CSRP3: variants seen among roughly 807,000 people sequenced by gnomAD.
CSRP3 encodes cysteine and glycine rich protein 3.
A neutral mutation model predicts 24.3 loss-of-function variants in CSRP3; 24 were observed. That is an observed-to-expected ratio of 0.99 (90% CI 0.71 to 1.39). The LOEUF (loss-of-function observed/expected upper bound fraction) is 1.39, where lower values mean the gene tolerates loss of function less well. Ranked by LOEUF, CSRP3 falls within the 40% of genes most tolerant of loss-of-function variation. The pLI is 0.00. For missense variants in CSRP3, 240 were observed against 249.0 expected, an observed-to-expected ratio of 0.96 and a Z score of 0.24; for synonymous variants, 105 against 94.0, an observed-to-expected ratio of 1.12 and a Z score of -0.68.
chr11:19,182,402 G>T lies in CSRP3; in HGVS notation c.*268C>A. The T allele has an allele frequency of 4.0e-6, 2 of 496,676 alleles. No individual in the cohort carries two copies. The highest frequency in any genetic ancestry group is 2.7e-5 in the South Asian group (1 of 36,546). The allele number at this position is 496,676 out of a possible 1,614,324, so 30.8% of individuals were successfully genotyped here. On this transcript the variant is annotated 3_prime_UTR_variant, in exon 6 of 6. Transcript: ENST00000265968. ...TTCTATCTCAAAGAAAAGATCTAGA[G>T]CCATACAAGATAGCACTAAAACATT...
At chr11:19,185,761 T>C (rs1269604645) in intron 4 of CSRP3, among the ~76,000 whole-genome samples, 1 of 152,200 alleles carries the variant, frequency 6.6e-6, no homozygotes, top group Non-Finnish European at 1.5e-5. Context: ...CATGAGTGTC[T>C]CGGACATCTG....
intron 1 of CSRP3, among the ~76,000 whole-genome samples, chr11:19,198,953 G>T (rs1285006926): frequency 6.6e-6 from 1 of 152,188 alleles, no homozygotes; most frequent in Non-Finnish European, 1.5e-5. Context: ...GTAGTTACTT[G>T]CATCATGACT....
At chr11:19,191,571 A>T (rs752444971) in intron 2 of CSRP3, among the ~76,000 whole-genome samples, 5 of 152,202 alleles carry the variant, frequency 3.3e-5, no homozygotes, top group Non-Finnish European at 7.3e-5. Flanking sequence ...AGAGCACTGG[A>T]CATGGAGTCT....
chr11:19,192,484 G>A lies in CSRP3; in HGVS notation c.-28-8C>T, dbSNP rs933469401. On this transcript the variant is annotated splice_polypyrimidine_tract_variant and splice_region_variant and intron_variant, in intron 1 of 5. Coordinates refer to ENST00000265968, the MANE Select transcript of CSRP3 (RefSeq NM_003476.5). ...ATCTGGTCAAGGTCAAGTCTAAGGGGACATAAAGCAAATACCCTACATTGA... is the reference window on the plus strand; with the variant it reads ...ATCTGGTCAAGGTCAAGTCTAAGGGAACATAAAGCAAATACCCTACATTGA... The A allele has an allele frequency of 1.3e-6, 2 of 1,541,984 alleles. No homozygotes were observed. Among genetic ancestry groups the A allele is most frequent in the African/African-American group, 2.7e-5 (2 of 73,480 alleles).
At position 19,200,893 on chromosome 11, in the gene CSRP3, T is replaced by G. The variant is rs377461281; in HGVS notation, c.-29+1061A>C. 1.8e-4 allele frequency among the ~76,000 whole-genome samples: 28 copies of G among 152,268 alleles called. No homozygotes were observed. The East Asian group carries it at 5.2e-3, about 28-fold the overall frequency. Reference sequence around the variant, plus strand: ...TTCCCTGCATAGAGCTGCCTCTACCTCCCTCCAGCCCTGACATAGGAGATG... The same window carrying G: ...TTCCCTGCATAGAGCTGCCTCTACCGCCCTCCAGCCCTGACATAGGAGATG... On this transcript the variant is annotated intron_variant, in intron 1 of 5. Transcript: ENST00000265968.
chr11:19,200,466 C>T (rs1474289734), intron 1 of CSRP3, among the ~76,000 whole-genome samples: 2 of 152,112 alleles, frequency 1.3e-5, no homozygotes, highest in African/African-American at 4.8e-5. Context: ...TCCTCTCTTC[C>T]TCCCTTCCTC....
intron 2 of CSRP3, among the ~76,000 whole-genome samples, chr11:19,191,951 G>A (rs1007151580): frequency 2.0e-5 from 3 of 152,210 alleles, no homozygotes; most frequent in Non-Finnish European, 4.4e-5. Flanking sequence ...ACCAGAAGGG[G>A]CAACATAGAC....
At chr11:19,194,927 G>A (rs1469483538) in intron 1 of CSRP3, among the ~76,000 whole-genome samples, 1 of 152,104 alleles carries the variant, frequency 6.6e-6, no homozygotes, top group Non-Finnish European at 1.5e-5. Context: ...TGAGTAGTTT[G>A]TGACCCCTGG....
chr11:19,183,475 C>G (rs966658163), intron 5 of CSRP3, among the ~76,000 whole-genome samples: 2 of 152,156 alleles, frequency 1.3e-5, no homozygotes, highest in Admixed American at 6.5e-5. Context: ...CCACATTCAC[C>G]CATCAAGCCT....
At chr11:19,185,251 G>C (rs1469830181) in intron 4 of CSRP3, among the ~76,000 whole-genome samples, 1 of 152,228 alleles carries the variant, frequency 6.6e-6, no homozygotes, top group African/African-American at 2.4e-5. Flanking sequence ...AAATGGATTT[G>C]TCATGGTGAT....
chr11:19,193,996 T>C (rs758387361), intron 1 of CSRP3, among the ~76,000 whole-genome samples: 3 of 152,188 alleles, frequency 2.0e-5, no homozygotes, highest in Admixed American at 6.5e-5. Context: ...ATCCTCTGGT[T>C]TCTAAGAAGC....
chr11:19,196,687 TA>T (rs1850712226), intron 1 of CSRP3: 1 of 152,176 alleles, frequency 6.6e-6, no homozygotes. Context: ...GGGATACAAT[TA>T]TAGGCTTGCC....
At chr11:19,199,227 G>A (rs370810764) in intron 1 of CSRP3, among the ~76,000 whole-genome samples, 1 of 152,214 alleles carries the variant, frequency 6.6e-6, no homozygotes, top group East Asian at 1.9e-4. Context: ...TTCAGTTCTC[G>A]GTGTAGGACA....
chr11:19,193,200 G>A (rs1239255519), intron 1 of CSRP3, among the ~76,000 whole-genome samples: 2 of 152,136 alleles, frequency 1.3e-5, no homozygotes, highest in Non-Finnish European at 2.9e-5. Context: ...CTGCTTTCAG[G>A]GCTACCCTCT....
At chr11:19,197,384 CCCTCCCTTCCTTCCTTCCTT>C (rs1850741413) in intron 1 of CSRP3, among the ~76,000 whole-genome samples, 1 of 2,102 alleles carries the variant, frequency 4.8e-4, no homozygotes, top group African/African-American at 2.0e-3. Flanking sequence ...CTCCCTCCCT[CCCTCCCTTCCTTCCTTCCTT>C]CCTTCCTTCC....
chr11:19,184,605 G>T (rs192604543), intron 5 of CSRP3, among the ~76,000 whole-genome samples: 4 of 152,324 alleles, frequency 2.6e-5, no homozygotes, highest in African/African-American at 7.2e-5. Flanking sequence ...TTGGAAGGGG[G>T]TGTGGTGTTA....
chr11:19,197,054 C>T (rs1850726490), intron 1 of CSRP3: 1 of 152,188 alleles, frequency 6.6e-6, no homozygotes, highest in African/African-American at 2.4e-5. Flanking sequence ...GTTCTAGTTC[C>T]ATTTTGCCTC....
chr11:19,197,386 CTCCCT>C (rs1282756867), intron 1 of CSRP3, among the ~76,000 whole-genome samples: 1 of 3,760 alleles, frequency 2.7e-4, no homozygotes, highest in Non-Finnish European at 5.3e-4. Flanking sequence ...CCCTCCCTCC[CTCCCT>C]TCCTTCCTTC....
chr11:19,185,246 G>A (rs1354989311), intron 4 of CSRP3, among the ~76,000 whole-genome samples: 2 of 152,238 alleles, frequency 1.3e-5, no homozygotes, highest in African/African-American at 4.8e-5. Context: ...CCTGAAAATG[G>A]ATTTGTCATG....
Sources: allele counts gnomAD v4.1 joint callset (sites outside exome capture counted in the v4.1 genomes callset), GRCh38; gene constraint gnomAD v4.1.1; transcripts MANE v1.5; gene names NCBI Gene and HGNC (gene_info 2026-07-23, HGNC 2026-07-21).